CHERP: variants seen among roughly 807,000 people sequenced by gnomAD.
The protein encoded by CHERP is calcium homeostasis endoplasmic reticulum protein.
Under a neutral mutation model 113.8 loss-of-function variants are expected in CHERP, and 8 were observed. The ratio of observed to expected loss-of-function variants is 0.07; its 90% confidence interval spans 0.04 to 0.13. The LOEUF is 0.13. Ranked by LOEUF, CHERP falls within the 10% of genes least tolerant of loss-of-function variation. CHERP has a pLI of 1.00. For synonymous variants in CHERP, 559 were observed against 524.5 expected, an observed-to-expected ratio of 1.07 and a Z score of -0.90; for missense variants, 884 against 1,298.2, an observed-to-expected ratio of 0.68 and a Z score of 4.90.
chr19:16,538,405 C>A (rs2085755413), intron 2 of CHERP, among the ~76,000 whole-genome samples: 1 of 152,264 alleles, frequency 6.6e-6, no homozygotes, highest in African/African-American at 2.4e-5. Flanking sequence ...CACTTCTTGG[C>A]TGGGTACGAT....
At position 16,532,383 on chromosome 19, in the gene CHERP, C is replaced by A. The variant is rs900306487; in HGVS notation, c.674+215G>T. The A allele has an allele frequency of 8.5e-5, 49 of 575,184 alleles. No homozygotes were observed. Among genetic ancestry groups the A allele is most frequent in the Non-Finnish European group, 1.2e-5 (4 of 329,392 alleles). The allele number at this position is 575,184 out of a possible 1,614,324, so 35.6% of individuals were successfully genotyped here. On this transcript the variant is annotated intron_variant, in intron 5 of 16. Coordinates refer to ENST00000546361, the MANE Select transcript of CHERP (RefSeq NM_006387.6). This position sits in a 1 kb window ranked among gnomAD's most constrained non-coding sequence, Gnocchi z 4.4. The stretch of plus-strand genomic sequence containing the variant: ...CCGGGGTCTAGGGGAGAGGACAGGG[C>A]ATGCAGCGAAGGTGCACAGGACACC...
intron 3 of CHERP, 131 bp from the exon 4 acceptor site, chr19:16,533,279 C>A: frequency 1.2e-6 from 1 of 827,122 alleles, no homozygotes; most frequent in South Asian, 1.7e-5. Flanking sequence ...CTCTGGCCAT[C>A]AGCTCCCTTG....
At position 16,530,509 on chromosome 19, in the gene CHERP, GTCCCCACAC is replaced by G; in HGVS notation, c.876+67_876+75del. ...TCTGGCTGCTGGGGTGGCAGCTGCT[GTCCCCACAC>G]TCCCAAACCCTCCTGGGGAACCCGC... On this transcript the variant is annotated intron_variant, in intron 7 of 16. Transcript: ENST00000546361. This position sits in a 1 kb window ranked among gnomAD's most constrained non-coding sequence, Gnocchi z 4.1. 1.5e-6 allele frequency: 2 copies of G among 1,373,266 alleles called. No individual in the cohort carries two copies. The highest frequency in any genetic ancestry group is 2.3e-5 in the South Asian group (2 of 85,870). 85.1% of individuals were successfully genotyped at this position (1,373,266 alleles called of 1,614,324 possible).
rs764944058 is a variant in CHERP at position 16,529,754 on chromosome 19, CTGCTGCTGCTGCTGT to C, written c.1008_1022del (p.Gln337_Gln341del). 46 of 1,607,476 alleles carry C rather than the reference CTGCTGCTGCTGCTGT, an allele frequency of 2.9e-5. No homozygotes were observed. Among genetic ancestry groups the C allele is most frequent in the Admixed American group, 1.0e-4 (6 of 59,702 alleles). ...CAGCCTCCATCTGCGGCATCTGGAG[CTGCTGCTGCTGCTGT>C]TGCTGCTGCTGCTGCTGCTGGGCCA... On this transcript the variant is annotated inframe_deletion, in exon 8 of 17. Coordinates refer to ENST00000546361, the MANE Select transcript of CHERP (RefSeq NM_006387.6).
rs750510620 is a variant in CHERP at position 16,523,188 on chromosome 19, G to A, written c.1844C>T (p.Pro615Leu). The change falls in exon 11 of 17, where the codon CCC becomes CTC. Residue 615 changes from proline to leucine, a missense_variant. Pro to Leu is a moderately conservative substitution (Grantham distance 98, BLOSUM62 -3). This residue lies in a region of CHERP where 464 missense variants were observed against 590.1 expected (regional missense o/e 0.79). Transcript: ENST00000546361. The surrounding 1 kb of genome is among the most constrained non-coding windows in gnomAD (Gnocchi z 4.0). ...AGPQHPDFGP[P>L]PHGFNGQPPH... ...GGGCTGCCCGTTGAAGCCATGGGGG[G>A]GAGGGCCGAAGTCAGGGTGCTGGGG... is the stretch of plus-strand genomic sequence containing the variant. 6.3e-7 allele frequency: 1 copy of A among 1,575,794 alleles called. No homozygotes were observed. The highest frequency in any genetic ancestry group is 1.4e-5 in the African/African-American group (1 of 72,138).
In CHERP at chr19:16,530,750, C is replaced by T. The variant is rs77142035; in HGVS notation, c.786+19G>A. Reference sequence around the variant, plus strand: ...GTGTGTCCCGGTCTTGCCCAACCCCCGGCCCGGGGCCCACGCACCCGGGCG... The same window carrying T: ...GTGTGTCCCGGTCTTGCCCAACCCCTGGCCCGGGGCCCACGCACCCGGGCG... On this transcript the variant is annotated intron_variant, in intron 6 of 16. Transcript: ENST00000546361. The surrounding 1 kb of genome is among the most constrained non-coding windows in gnomAD (Gnocchi z 4.1). 98,007 of 1,613,854 alleles carry T rather than the reference C, an allele frequency of 0.061. 3,425 individuals are homozygous for T. Among genetic ancestry groups the T allele is most frequent in the South Asian group, 0.07 (6,352 of 91,072 alleles).
chr19:16,542,149 TG>T (rs1257750407), intron 1 of CHERP, 106 bp from the exon 2 acceptor site: 2 of 1,345,282 alleles, frequency 1.5e-6, no homozygotes, highest in Middle Eastern at 2.7e-4. Flanking sequence ...CCCAAGGGGG[TG>T]GGCCCCGAAG....
chr19:16,533,157 GGGGGTCGGT>G lies in CHERP; in HGVS notation c.385-18_385-10del, dbSNP rs1337921928. 8.9e-6 allele frequency: 14 copies of G among 1,575,462 alleles called. No homozygotes were observed. Among genetic ancestry groups the G allele is most frequent in the African/African-American group, 1.3e-5 (1 of 74,492 alleles). On this transcript the variant is annotated splice_polypyrimidine_tract_variant and intron_variant, in intron 3 of 16. Transcript: ENST00000546361. The stretch of plus-strand genomic sequence containing the variant: ...GCCGCTGTCACTTGCTCCTGCGGGC[GGGGGTCGGT>G]GGGGTCGAGAACACATGAGGAGGGA...
chr19:16,523,113 C>T lies in CHERP; in HGVS notation c.1919G>A (p.Ser640Asn). 1 of 1,546,238 alleles carries T rather than the reference C, an allele frequency of 6.5e-7. No homozygotes were observed. Among genetic ancestry groups the T allele is most frequent in the South Asian group, 1.2e-5 (1 of 82,344 alleles). ...GPPHINHDDP[S>N]LVPNVPYFDL... ...GAAGTAGGGCACATTGGGGACCAGG[C>T]TGGGGTCATCGTGGTTGATGTGGGG... Residue 640 changes from serine to asparagine, a missense_variant, in exon 11 of 17, where the codon AGC becomes AAC. Ser to Asn is a conservative substitution (Grantham distance 46). This residue lies in a region of CHERP where 464 missense variants were observed against 590.1 expected (regional missense o/e 0.79). Transcript: ENST00000546361. The surrounding 1 kb of genome is among the most constrained non-coding windows in gnomAD (Gnocchi z 4.0).
In CHERP at chr19:16,520,837, C is replaced by T; in HGVS notation, c.2190G>A (p.Glu730=). The change falls in exon 13 of 17, where the codon GAG becomes GAA. Residue 730 remains glutamate, a synonymous_variant. Transcript: ENST00000546361. This position sits in a 1 kb window ranked among gnomAD's most constrained non-coding sequence, Gnocchi z 4.0. ...KMRARRRKGQ[E]KRNSGPSRSR... ...ATCTGCGCTTTTACCTGTTCCTCTT[C>T]TCCTGGCCTTTCCTCCGCCGGGCCC... 6.2e-7 allele frequency: 1 copy of T among 1,613,812 alleles called. No homozygotes were observed. The highest frequency in any genetic ancestry group is 1.7e-5 in the Admixed American group (1 of 60,030).
chr19:16,520,687 T>G lies in CHERP; in HGVS notation c.2201+139A>C. 1 of 1,143,612 alleles carries G rather than the reference T, an allele frequency of 8.7e-7. No homozygotes were observed. Among genetic ancestry groups the G allele is most frequent in the South Asian group, 1.3e-5 (1 of 76,754 alleles). The allele number at this position is 1,143,612 out of a possible 1,614,324, so 70.8% of individuals were successfully genotyped here. ...TGGCCGAGCCTGCTGCTGTGTGAAT[T>G]CAGGCCTTGTGGAAAACACCGCCCC... On this transcript the variant is annotated intron_variant, in intron 13 of 16. Coordinates refer to ENST00000546361, the MANE Select transcript of CHERP (RefSeq NM_006387.6). The surrounding 1 kb of genome is among the most constrained non-coding windows in gnomAD (Gnocchi z 4.0).
At position 16,518,711 on chromosome 19, in the gene CHERP, C is replaced by G. The variant is rs2085573254; in HGVS notation, c.*448G>C. 5.7e-6 allele frequency: 1 copy of G among 175,338 alleles called. No homozygotes were observed. The highest frequency in any genetic ancestry group is 1.2e-5 in the Non-Finnish European group (1 of 84,330). 10.9% of individuals were successfully genotyped at this position (175,338 alleles called of 1,614,324 possible). A position where few individuals can be genotyped will look rare whatever the true frequency, so the allele number is the denominator to read the frequency against. On this transcript the variant is annotated 3_prime_UTR_variant, in exon 17 of 17. Coordinates refer to ENST00000546361, the MANE Select transcript of CHERP (RefSeq NM_006387.6). ...CTACACAGCCGAGGGGAAGCCAGGT[C>G]AGGGCCGGTGGGTGCGGGGAGCTGG...
chr19:16,523,996 A>C lies in CHERP; in HGVS notation c.1742-706T>G, dbSNP rs1023120644. Reference sequence around the variant, plus strand: ...GCTGGGCATGGTGGCTCACGCCTGTAATCTCAGCACTTTGGGAGGCCAAGG... The same window carrying C: ...GCTGGGCATGGTGGCTCACGCCTGTCATCTCAGCACTTTGGGAGGCCAAGG... On this transcript the variant is annotated intron_variant, in intron 10 of 16. Coordinates refer to ENST00000546361, the MANE Select transcript of CHERP (RefSeq NM_006387.6). This position sits in a 1 kb window ranked among gnomAD's most constrained non-coding sequence, Gnocchi z 4.0. 1.3e-5 allele frequency among the ~76,000 whole-genome samples: 2 copies of C among 152,216 alleles called. No individual in the cohort carries two copies. Among genetic ancestry groups the C allele is most frequent in the Non-Finnish European group, 2.9e-5 (2 of 68,040 alleles).
rs566612190 is a variant in CHERP at position 16,532,206 on chromosome 19, C to T, written c.674+392G>A. On this transcript the variant is annotated intron_variant, in intron 5 of 16. Transcript: ENST00000546361. This position sits in a 1 kb window ranked among gnomAD's most constrained non-coding sequence, Gnocchi z 4.4. ...AAAGTCAGGTGACCGCGTGTGTGTG[C>T]GTGCAAATCAGTGACGAGGGCAGGA... is the stretch of plus-strand genomic sequence containing the variant. The T allele has an allele frequency of 5.0e-4, 93 of 186,476 alleles. No homozygotes were observed. Among genetic ancestry groups the T allele is most frequent in the Non-Finnish European group, 8.7e-4 (77 of 88,646 alleles). The allele number at this position is 186,476 out of a possible 1,614,324, so 11.6% of individuals were successfully genotyped here. A position where few individuals can be genotyped will look rare whatever the true frequency, so the allele number is the denominator to read the frequency against.
At chr19:16,539,228 A>G (rs1467698984) in intron 2 of CHERP, among the ~76,000 whole-genome samples, 2 of 150,750 alleles carry the variant, frequency 1.3e-5, no homozygotes, top group African/African-American at 4.9e-5. Context: ...GCTCACTGCA[A>G]GCTCTGCCTC....
Position 16,519,357 on chromosome 19 carries a change from A to G in CHERP, c.2558-5T>C. ...GGCCGCCTGAGCCGCTCCAGCCTGG[A>G]AACAGAGACGCAGTCACAACCACAA... On this transcript the variant is annotated splice_polypyrimidine_tract_variant and splice_region_variant and intron_variant, in intron 16 of 16. Transcript: ENST00000546361. This position sits in a 1 kb window ranked among gnomAD's most constrained non-coding sequence, Gnocchi z 6.0. The G allele has an allele frequency of 6.2e-7, 1 of 1,609,036 alleles. No homozygotes were observed. Among genetic ancestry groups the G allele is most frequent in the Non-Finnish European group, 8.5e-7 (1 of 1,178,732 alleles).
rs547022421 is a variant in CHERP at position 16,525,040 on chromosome 19, C to T, written c.1741+202G>A. On this transcript the variant is annotated intron_variant, in intron 10 of 16. Coordinates refer to ENST00000546361, the MANE Select transcript of CHERP (RefSeq NM_006387.6). This position sits in a 1 kb window ranked among gnomAD's most constrained non-coding sequence, Gnocchi z 6.5. ...TGGCTCTGCCTCATCTGCAGCCAGC[C>T]GGGCCTCATCAGGGCGGCAAAACTG... Among the ~76,000 whole-genome samples, 88 of 152,332 alleles carry T rather than the reference C, an allele frequency of 5.8e-4. No homozygotes were observed. The highest frequency in any genetic ancestry group is 2.0e-3 in the African/African-American group (84 of 41,574).
chr19:16,519,177 G>A lies in CHERP; in HGVS notation c.2733C>T (p.Ala911=), dbSNP rs755230630. The A allele has an allele frequency of 1.9e-6, 3 of 1,613,676 alleles. No individual in the cohort carries two copies. Among genetic ancestry groups the A allele is most frequent in the Admixed American group, 3.3e-5 (2 of 59,998 alleles). The change falls in exon 17 of 17, where the codon GCC becomes GCT. Residue 911 remains alanine, a synonymous_variant. Transcript: ENST00000546361. The surrounding 1 kb of genome is among the most constrained non-coding windows in gnomAD (Gnocchi z 6.0). ...KSYSFIARMK[A]RDECK ...TGGGCGCCTACTTACACTCGTCCCT[G>A]GCCTTCATGCGGGCGATGAAGGAGT...
In CHERP at chr19:16,525,209, CG is replaced by C. The variant is rs1483599707; in HGVS notation, c.1741+32del. On this transcript the variant is annotated intron_variant, in intron 10 of 16. Transcript: ENST00000546361. The surrounding 1 kb of genome is among the most constrained non-coding windows in gnomAD (Gnocchi z 6.5). ...TCGGCAGGCGAGCCGTGGATGCCTC[CG>C]CCAGGCCCTACCCAGGCGCCCGTAC... 6.4e-6 allele frequency: 9 copies of C among 1,400,292 alleles called. No homozygotes were observed. The African/African-American group carries it at 9.1e-5, about 14-fold the overall frequency. The allele number at this position is 1,400,292 out of a possible 1,614,324, so 86.7% of individuals were successfully genotyped here.
Sources: allele counts gnomAD v4.1 joint callset (sites outside exome capture counted in the v4.1 genomes callset), GRCh38; gene constraint gnomAD v4.1.1; regional missense constraint gnomAD v4.1.1; non-coding constraint Gnocchi (gnomAD v3.1); transcripts MANE v1.5; gene names NCBI Gene and HGNC (gene_info 2026-07-23, HGNC 2026-07-21).